ZNF263: variants seen among roughly 807,000 people sequenced by gnomAD.
ZNF263 encodes zinc finger protein FPM315.
A neutral mutation model predicts 63.1 loss-of-function variants in ZNF263; 49 were observed. That is an observed-to-expected ratio of 0.78 (90% CI 0.62 to 0.99). ZNF263 has a LOEUF of 0.99. Among genes scored for constraint, ZNF263 ranks in the 50% least tolerant of loss-of-function variants. The pLI is 0.00. For missense variants in ZNF263, 872 were observed against 854.8 expected, an observed-to-expected ratio of 1.02 and a Z score of -0.25; for synonymous variants, 352 against 324.2, an observed-to-expected ratio of 1.09 and a Z score of -0.92.
rs1596369577 is a variant in ZNF263, at chr16:3,285,549, G to C, written c.569-132G>C. The C allele has an allele frequency of 3.4e-6, 3 of 886,260 alleles. No individual in the cohort carries two copies. In the East Asian group the frequency reaches 7.8e-5, roughly 23 times the overall value. The allele number at this position is 886,260 out of a possible 1,614,324, so 54.9% of individuals were successfully genotyped here. A position where few individuals can be genotyped will look rare whatever the true frequency, so the allele number is the denominator to read the frequency against. Reference sequence around the variant, plus strand: ...TGTCATTTTGGATATCAGCTGATTAGGCCTCTGTGCAGTTTAGCGTCATTC... The same window carrying C: ...TGTCATTTTGGATATCAGCTGATTACGCCTCTGTGCAGTTTAGCGTCATTC... On this transcript the variant is annotated intron_variant, in intron 2 of 5. Coordinates refer to ENST00000219069, the MANE Select transcript of ZNF263 (RefSeq NM_005741.5).
rs1047218543 is a variant in ZNF263 at position 3,291,273 on chromosome 16, C to T, written c.*715C>T. On this transcript the variant is annotated 3_prime_UTR_variant, in exon 6 of 6. Coordinates refer to ENST00000219069, the MANE Select transcript of ZNF263 (RefSeq NM_005741.5). ...ATAACCCTTTGTGGAGAATGAGATT[C>T]CCCCCACCTGTGTGAGAAAAATAAA... 78 of 985,214 alleles carry T rather than the reference C, an allele frequency of 7.9e-5. No individual in the cohort carries two copies. In the African/African-American group the frequency reaches 1.2e-3, roughly 15 times the overall value. 61.0% of individuals were successfully genotyped at this position (985,214 alleles called of 1,614,324 possible). A position where few individuals can be genotyped will look rare whatever the true frequency, so the allele number is the denominator to read the frequency against.
chr16:3,295,191 C>T (rs1959711895), downstream of ZNF263, among the ~76,000 whole-genome samples: 1 of 151,756 alleles, frequency 6.6e-6, no homozygotes, highest in Non-Finnish European at 1.5e-5. Context: ...GCCCACGAGC[C>T]TCCTCCAACC....
intron 2 of ZNF263, chr16:3,300,807 T>C (rs567191008): frequency 1.5e-5 from 14 of 956,574 alleles, no homozygotes; most frequent in Admixed American, 3.6e-5. Context: ...GGAGGTCTTA[T>C]GCACTCAGAA....
chr16:3,299,534 G>A, intron 2 of ZNF263: 2 of 1,525,780 alleles, frequency 1.3e-6, no homozygotes, highest in Non-Finnish European at 1.8e-6. Context: ...CCTTTCTCTT[G>A]CTCATCATCA....
downstream of ZNF263, among the ~76,000 whole-genome samples, chr16:3,296,055 A>G (rs1959736582): frequency 6.6e-6 from 1 of 151,918 alleles, no homozygotes; most frequent in South Asian, 2.1e-4. Flanking sequence ...CCCAGCTCAA[A>G]AGTCACGCAC....
At chr16:3,294,840 G>A (rs1421729345), downstream of ZNF263, among the ~76,000 whole-genome samples, 1 of 152,214 alleles carries the variant, frequency 6.6e-6, no homozygotes, top group Non-Finnish European at 1.5e-5. Context: ...TCCAAGGAGA[G>A]TAGTATTTCT....
In ZNF263 at chr16:3,291,442, T is replaced by C; in HGVS notation, c.*884T>C. The C allele has an allele frequency of 1.0e-6, 1 of 985,434 alleles. No homozygotes were observed. The allele number at this position is 985,434 out of a possible 1,614,324, so 61.0% of individuals were successfully genotyped here. The stretch of plus-strand genomic sequence containing the variant: ...TTGAAAATGTTTGGATGGGAATAAA[T>C]ATCTTCAGGAAACATAAATGTCTGT... On this transcript the variant is annotated 3_prime_UTR_variant, in exon 6 of 6. Transcript: ENST00000219069.
intron 1 of ZNF263, among the ~76,000 whole-genome samples, chr16:3,296,589 A>G (rs1192477535): frequency 6.6e-6 from 1 of 152,258 alleles, no homozygotes; most frequent in East Asian, 1.9e-4. Context: ...AGACTGAATA[A>G]GGCAAGAAAG....
chr16:3,294,728 T>G (rs1357848969), downstream of ZNF263, among the ~76,000 whole-genome samples: 1 of 152,130 alleles, frequency 6.6e-6, no homozygotes, highest in African/African-American at 2.4e-5. Context: ...AATTCTGATC[T>G]CCCAGTTAAT....
rs142708827 is a variant in ZNF263, at chr16:3,284,207, TGA to T, written c.387+16_387+17del. 1,830 of 1,482,288 alleles carry T rather than the reference TGA, an allele frequency of 1.2e-3. No homozygotes were observed. Among genetic ancestry groups the T allele is most frequent in the South Asian group, 4.4e-3 (328 of 73,968 alleles). 91.8% of individuals were successfully genotyped at this position (1,482,288 alleles called of 1,614,324 possible). A position where few individuals can be genotyped will look rare whatever the true frequency, so the allele number is the denominator to read the frequency against. ...GAGCTTGGGAGACTGAGACAACAGG[TGA>T]GAGAGAGAGAGAGCTGTTTTATCTG... On this transcript the variant is annotated splice_donor_region_variant and intron_variant, in intron 1 of 5. Transcript: ENST00000219069.
chr16:3,291,715 C>A (rs569073533), downstream of ZNF263, among the ~76,000 whole-genome samples: 5 of 152,278 alleles, frequency 3.3e-5, no homozygotes, highest in East Asian at 9.6e-4. Context: ...AGAAAGTATT[C>A]TTTCCTTCTG....
chr16:3,292,833 G>A (rs1959646868), downstream of ZNF263: 2 of 152,206 alleles, frequency 1.3e-5, no homozygotes, highest in Admixed American at 6.5e-5. Flanking sequence ...ATGCTTAGCT[G>A]TTCTTGGCCT....
chr16:3,293,844 T>A (rs992066392), downstream of ZNF263, among the ~76,000 whole-genome samples: 2 of 152,260 alleles, frequency 1.3e-5, no homozygotes, highest in Non-Finnish European at 2.9e-5. Flanking sequence ...GAAGTCACTT[T>A]AAAAGTTTTG....
intron 1 of ZNF263, among the ~76,000 whole-genome samples, chr16:3,297,592 G>A (rs1449612516): frequency 1.3e-5 from 2 of 149,872 alleles, no homozygotes; most frequent in Non-Finnish European, 3.0e-5. Context: ...AGCCTCCCGA[G>A]TAGCTGGGAC....
chr16:3,294,809 T>C (rs541719118), downstream of ZNF263, among the ~76,000 whole-genome samples: 50 of 152,286 alleles, frequency 3.3e-4, no homozygotes, highest in African/African-American at 1.2e-3. Context: ...ATCCGGTGGC[T>C]CTCAAGCATC....
chr16:3,292,912 GCC>G (rs1329225719), downstream of ZNF263: 1 of 152,208 alleles, frequency 6.6e-6, no homozygotes, highest in Non-Finnish European at 1.5e-5. Flanking sequence ...GTAAGAAAGT[GCC>G]AACTGTCGAC....
chr16:3,299,332 C>T (rs757499340), intron 2 of ZNF263: 1 of 1,593,488 alleles, frequency 6.3e-7, no homozygotes, highest in Non-Finnish European at 8.5e-7. Context: ...TTCCAACTCC[C>T]CACATTTTTC....
chr16:3,294,465 A>G (rs986193055), downstream of ZNF263, among the ~76,000 whole-genome samples: 1 of 152,224 alleles, frequency 6.6e-6, no homozygotes, highest in Admixed American at 6.5e-5. Context: ...AGATGAATTC[A>G]AGCAAAATGC....
chr16:3,297,991 A>G (rs777202692), intron 1 of ZNF263, among the ~76,000 whole-genome samples: 10 of 152,236 alleles, frequency 6.6e-5, no homozygotes, highest in Admixed American at 4.6e-4. Context: ...GTACTTTCAA[A>G]ATAATGGTGG....
Sources: allele counts gnomAD v4.1 joint callset (sites outside exome capture counted in the v4.1 genomes callset), GRCh38; gene constraint gnomAD v4.1.1; transcripts MANE v1.5; gene names NCBI Gene and HGNC (gene_info 2026-07-23, HGNC 2026-07-21).